The following STAB2 variants were observed in gnomAD, a reference collection of about 807,000 sequenced individuals.
The protein encoded by STAB2 is stabilin 2, also known as stabilin-2.
A neutral mutation model predicts 338.1 loss-of-function variants in STAB2; 288 were observed. That is an observed-to-expected ratio of 0.85 (90% CI 0.77 to 0.94). STAB2 has a LOEUF of 0.94. Ranked by LOEUF, STAB2 falls within the 40% of genes least tolerant of loss-of-function variation. STAB2 has a pLI of 0.00. For synonymous variants in STAB2, 1,202 were observed against 1,193.3 expected (o/e 1.01, Z -0.15); for missense variants, 3,141 against 3,210.1 (o/e 0.98, Z 0.52).
Position 103,655,727 on chromosome 12 carries a change from A to T in STAB2, c.1734+146A>T, listed in dbSNP as rs1384108787. ...TCCAACAACCAAGGCAGGCATCACT[A>T]ATCAATCACAACATTCTGGAACTAA... On this transcript the variant is annotated intron_variant, in intron 15 of 68. Coordinates refer to ENST00000388887, the MANE Select transcript of STAB2 (RefSeq NM_017564.10). The T allele has an allele frequency of 3.0e-5, 28 of 938,430 alleles. No individual in the cohort carries two copies. In the South Asian group the frequency reaches 3.5e-4, roughly 12 times the overall value. The allele number at this position is 938,430 out of a possible 1,614,324, so 58.1% of individuals were successfully genotyped here.
chr12:103,635,937 G>C (rs907845477), intron 6 of STAB2, among the ~76,000 whole-genome samples: 1 of 152,194 alleles, frequency 6.6e-6, no homozygotes, highest in African/African-American at 2.4e-5. Context: ...GCTTTTTCCA[G>C]TGGTATTCAG....
At chr12:103,598,786 T>TA (rs1956913808) in intron 3 of STAB2, among the ~76,000 whole-genome samples, 1 of 152,264 alleles carries the variant, frequency 6.6e-6, no homozygotes, top group East Asian at 1.9e-4. Context: ...GGCCAGCTCA[T>TA]AAAAAATCAA....
chr12:103,757,077 T>C (rs1217158252), intron 63 of STAB2, among the ~76,000 whole-genome samples: 1 of 148,616 alleles, frequency 6.7e-6, no homozygotes, highest in African/African-American at 2.5e-5. Flanking sequence ...AAAAATTATA[T>C]ATTTATATAT....
chr12:103,643,947 G>T (rs1873124204), intron 9 of STAB2, among the ~76,000 whole-genome samples: 1 of 88,608 alleles, frequency 1.1e-5, no homozygotes, highest in Admixed American at 1.0e-4. Context: ...GCCCCGTCCG[G>T]GAGGTGAGGG....
At chr12:103,717,865 A>G (rs1463851681) in intron 44 of STAB2, 24 bp downstream of exon 44, 1 of 1,613,452 alleles carries the variant, frequency 6.2e-7, no homozygotes, top group Non-Finnish European at 8.5e-7. Context: ...TAGGGTGGAT[A>G]TCCTTCAAGC....
chr12:103,727,973 C>T lies in STAB2; in HGVS notation c.4935+623C>T, dbSNP rs1413198795. The stretch of plus-strand genomic sequence containing the variant: ...AAAGACCCAAACCTGGGCCCGTGTA[C>T]TTAACCACTGTACACCCAGCCTCTC... On this transcript the variant is annotated intron_variant, in intron 47 of 68. Coordinates refer to ENST00000388887, the MANE Select transcript of STAB2 (RefSeq NM_017564.10). 2.6e-5 allele frequency among the ~76,000 whole-genome samples: 4 copies of T among 152,138 alleles called. No homozygotes were observed. The East Asian group carries it at 7.7e-4, about 29-fold the overall frequency.
chr12:103,736,445 T>G (rs1882131564), intron 52 of STAB2, among the ~76,000 whole-genome samples: 1 of 152,232 alleles, frequency 6.6e-6, no homozygotes, highest in Non-Finnish European at 1.5e-5. Flanking sequence ...TGCATTGAAT[T>G]TATAACTGAC....
chr12:103,713,555 A>C (rs1163314447), intron 41 of STAB2, 88 bp from the exon 42 acceptor site: 2 of 1,566,870 alleles, frequency 1.3e-6, no homozygotes, highest in African/African-American at 2.7e-5. Flanking sequence ...GTTTTGCAGT[A>C]TGTTCCATTT....
At position 103,675,736 on chromosome 12, in the gene STAB2, G is replaced by A. The variant is rs79509609; in HGVS notation, c.2553-192G>A. ...CACACAACTGCTAAGAAGTGGGCAG[G>A]CTTCATTTCCACCCAGGTGTATCTG... On this transcript the variant is annotated intron_variant, in intron 23 of 68. Coordinates refer to ENST00000388887, the MANE Select transcript of STAB2 (RefSeq NM_017564.10). Among the ~76,000 whole-genome samples, 147 of 152,326 alleles carry A rather than the reference G, an allele frequency of 9.7e-4. 4 individuals carry two copies. The East Asian group carries it at 0.025, about 26-fold the overall frequency.
intron 42 of STAB2, among the ~76,000 whole-genome samples, chr12:103,715,381 T>C (rs1221671975): frequency 6.6e-6 from 1 of 152,186 alleles, no homozygotes; most frequent in African/African-American, 2.4e-5. Flanking sequence ...GATATGTTGT[T>C]CCCCCTCAAA....
intron 33 of STAB2, among the ~76,000 whole-genome samples, chr12:103,698,547 A>G (rs1211711137): frequency 6.6e-6 from 1 of 152,156 alleles, no homozygotes; most frequent in African/African-American, 2.4e-5. Flanking sequence ...TCTGAGCCAC[A>G]GCAAACACCC....
At chr12:103,754,864 T>G (rs1883972666) in intron 61 of STAB2, among the ~76,000 whole-genome samples, 1 of 151,064 alleles carries the variant, frequency 6.6e-6, no homozygotes, top group African/African-American at 2.4e-5. Flanking sequence ...GAGAATTGCT[T>G]AAACTTGGGA....
chr12:103,748,037 A>AGACTAG (rs1883218256), intron 58 of STAB2, among the ~76,000 whole-genome samples: 1 of 151,756 alleles, frequency 6.6e-6, no homozygotes, highest in Non-Finnish European at 1.5e-5. Context: ...AAGAAAACAG[A>AGACTAG]GACTAGGTAT....
At chr12:103,602,766 T>G (rs1247852981) in intron 3 of STAB2, among the ~76,000 whole-genome samples, 3 of 152,234 alleles carry the variant, frequency 2.0e-5, no homozygotes, top group Non-Finnish European at 4.4e-5. Flanking sequence ...TTCTTATTAT[T>G]GAGTTTTGAG....
chr12:103,631,821 C>T, intron 6 of STAB2, 128 bp downstream of exon 6: 1 of 749,918 alleles, frequency 1.3e-6, no homozygotes, highest in South Asian at 2.0e-5. Flanking sequence ...TGGAAAGAAA[C>T]TAGAAATTAA....
chr12:103,640,485 T>G lies in STAB2; in HGVS notation c.1040+229T>G, dbSNP rs185663066. On this transcript the variant is annotated intron_variant, in intron 9 of 68. Coordinates refer to ENST00000388887, the MANE Select transcript of STAB2 (RefSeq NM_017564.10). The stretch of plus-strand genomic sequence containing the variant: ...ACCATTAGAATACTCTGGAATATTG[T>G]TGTGGCCTGATAACTTGATATGAAG... Among the ~76,000 whole-genome samples, 17 of 152,294 alleles carry G rather than the reference T, an allele frequency of 1.1e-4. 1 individual carries two copies. The highest frequency in any genetic ancestry group is 4.1e-4 in the African/African-American group (17 of 41,556).
At chr12:103,654,087 G>A (rs1873995550) in intron 12 of STAB2, among the ~76,000 whole-genome samples, 1 of 152,220 alleles carries the variant, frequency 6.6e-6, no homozygotes, top group Non-Finnish European at 1.5e-5. Flanking sequence ...GGATATGCAT[G>A]TATTTACCTG....
intron 63 of STAB2, among the ~76,000 whole-genome samples, chr12:103,757,457 T>C (rs565097673): frequency 6.6e-6 from 1 of 152,226 alleles, no homozygotes; most frequent in South Asian, 2.1e-4. Flanking sequence ...AAACAATAAA[T>C]GGAACAAACA....
chr12:103,593,381 G>A (rs186533140), intron 2 of STAB2, among the ~76,000 whole-genome samples: 3 of 152,202 alleles, frequency 2.0e-5, no homozygotes, highest in South Asian at 4.1e-4. Context: ...TTGTGAGGAC[G>A]TATCCCATTG....
Sources: gnomAD v4.1 joint callset for allele counts (sites outside exome capture counted in the v4.1 genomes callset) on GRCh38, gnomAD v4.1.1 for gene constraint, MANE v1.5 for transcripts, NCBI Gene and HGNC (gene_info 2026-07-23, HGNC 2026-07-21) for gene names.